The following CCDC15 variants were observed in gnomAD, a reference collection of about 807,000 sequenced individuals.
CCDC15 encodes coiled-coil domain-containing protein 15.
Under a neutral mutation model 114.5 loss-of-function variants are expected in CCDC15, and 105 were observed. The observed-to-expected ratio is 0.92, with a 90% CI of 0.78 to 1.08. CCDC15 has a LOEUF of 1.08. Ranked by LOEUF, CCDC15 falls within the 50% of genes least tolerant of loss-of-function variation. The pLI, the probability that CCDC15 is intolerant of heterozygous loss-of-function variation, is 0.00. For missense variants in CCDC15, 1,105 were observed against 1,093.6 expected (o/e 1.01, Z -0.15); for synonymous variants, 334 against 377.8 (o/e 0.88, Z 1.34).
intron 8 of CCDC15, among the ~76,000 whole-genome samples, chr11:124,990,719 T>C (rs1253288542): frequency 6.6e-6 from 1 of 152,254 alleles, no homozygotes; most frequent in Non-Finnish European, 1.5e-5. Context: ...ACCCAGATTT[T>C]GTGAACAATT....
At chr11:124,973,980 AATTT>A (rs1017033903) in intron 4 of CCDC15, among the ~76,000 whole-genome samples, 10 of 151,562 alleles carry the variant, frequency 6.6e-5, no homozygotes, top group Non-Finnish European at 1.3e-4. Context: ...TTTTAATTTT[AATTT>A]ATTTATTTTT....
intron 4 of CCDC15, among the ~76,000 whole-genome samples, chr11:124,971,756 A>C (rs1458047111): frequency 6.6e-6 from 1 of 152,114 alleles, no homozygotes; most frequent in African/African-American, 2.4e-5. Flanking sequence ...ACATTTCCTC[A>C]TCTTCCTCAG....
chr11:124,976,472 C>T (rs956824855), intron 5 of CCDC15, among the ~76,000 whole-genome samples: 3 of 151,986 alleles, frequency 2.0e-5, no homozygotes, highest in Non-Finnish European at 4.4e-5. Context: ...CCTTGTGGCT[C>T]CTCAGAGTTT....
chr11:124,979,277 C>CT (rs1948026155), intron 6 of CCDC15, among the ~76,000 whole-genome samples: 1 of 151,818 alleles, frequency 6.6e-6, no homozygotes, highest in Non-Finnish European at 1.5e-5. Flanking sequence ...TATTCAGGCT[C>CT]TTTTTTGTTT....
chr11:124,994,069 G>A (rs1007008874), intron 11 of CCDC15, among the ~76,000 whole-genome samples: 11 of 152,096 alleles, frequency 7.2e-5, no homozygotes, highest in African/African-American at 1.2e-4. Flanking sequence ...ATTACTTCAG[G>A]GCTATCACTG....
At chr11:124,977,870 CTT>C (rs752641095) in intron 6 of CCDC15, among the ~76,000 whole-genome samples, 3 of 151,886 alleles carry the variant, frequency 2.0e-5, no homozygotes, top group Non-Finnish European at 4.4e-5. Context: ...TTTAAAATAA[CTT>C]TTATTTTAGG....
At chr11:125,006,775 C>T (rs1948555298) in intron 13 of CCDC15, among the ~76,000 whole-genome samples, 1 of 151,858 alleles carries the variant, frequency 6.6e-6, no homozygotes, top group Non-Finnish European at 1.5e-5. Context: ...GTTGAAAAGA[C>T]CATCTTTTAT....
intron 6 of CCDC15, among the ~76,000 whole-genome samples, chr11:124,985,281 T>C (rs952239873): frequency 6.6e-6 from 1 of 152,248 alleles, no homozygotes; most frequent in African/African-American, 2.4e-5. Flanking sequence ...TTTCACTTCT[T>C]GGTGTTTATG....
intron 13 of CCDC15, among the ~76,000 whole-genome samples, chr11:125,016,956 A>G (rs1948633002): frequency 6.6e-6 from 1 of 152,168 alleles, no homozygotes; most frequent in Non-Finnish European, 1.5e-5. Context: ...TGCTTTACAG[A>G]TGGTATCAGA....
intron 13 of CCDC15, among the ~76,000 whole-genome samples, chr11:125,022,502 G>A (rs1663314798): frequency 6.6e-6 from 1 of 151,950 alleles, no homozygotes; most frequent in East Asian, 1.9e-4. Flanking sequence ...CACTTTGCTA[G>A]AGATGGCCAG....
intron 6 of CCDC15, among the ~76,000 whole-genome samples, chr11:124,982,764 T>C (rs1948091976): frequency 6.6e-6 from 1 of 152,136 alleles, no homozygotes. Context: ...AACTGTGTGG[T>C]TGGGGGATGG....
intron 4 of CCDC15, among the ~76,000 whole-genome samples, chr11:124,967,225 G>A (rs1188101273): frequency 6.6e-6 from 1 of 152,158 alleles, no homozygotes; most frequent in African/African-American, 2.4e-5. Flanking sequence ...ATATCTTGAC[G>A]ACTGTTTTCC....
intron 13 of CCDC15, among the ~76,000 whole-genome samples, chr11:125,033,067 A>G (rs1948751919): frequency 6.6e-6 from 1 of 152,206 alleles, no homozygotes; most frequent in Non-Finnish European, 1.5e-5. Context: ...GTCCTTCCTC[A>G]AGGGGAGCAG....
At chr11:125,011,496 A>T (rs1043614197) in intron 13 of CCDC15, among the ~76,000 whole-genome samples, 4 of 152,032 alleles carry the variant, frequency 2.6e-5, no homozygotes, top group African/African-American at 9.7e-5. Context: ...TCAGCCTCCC[A>T]ATGTGCTGGG....
At chr11:125,014,377 A>T (rs865904929) in intron 13 of CCDC15, among the ~76,000 whole-genome samples, 1 of 152,198 alleles carries the variant, frequency 6.6e-6, no homozygotes, top group East Asian at 1.9e-4. Context: ...AAAGTTTCTA[A>T]GTACATACTT....
At chr11:125,003,461 A>C (rs562124292) in intron 11 of CCDC15, among the ~76,000 whole-genome samples, 360 of 152,070 alleles carry the variant, frequency 2.4e-3, no homozygotes, top group Non-Finnish European at 2.7e-3. Context: ...CTCTGGACTC[A>C]TGCCTACTAA....
intron 4 of CCDC15, among the ~76,000 whole-genome samples, chr11:124,965,384 G>T (rs995370664): frequency 4.6e-5 from 7 of 151,964 alleles, no homozygotes; most frequent in African/African-American, 4.8e-5. Flanking sequence ...GTGTATGTGT[G>T]GAGGAATTTA....
intron 2 of CCDC15, 24 bp from the exon 3 acceptor site, chr11:124,959,090 CA>C (rs1353018028): frequency 6.7e-7 from 1 of 1,503,422 alleles, no homozygotes; most frequent in Non-Finnish European, 8.9e-7. Flanking sequence ...CATTTAAGTT[CA>C]TTTTCTGTCT....
At chr11:125,023,765 T>C (rs1185791146) in intron 13 of CCDC15, among the ~76,000 whole-genome samples, 2 of 151,926 alleles carry the variant, frequency 1.3e-5, no homozygotes, top group Non-Finnish European at 2.9e-5. Context: ...AATGGAAACA[T>C]AACGTGTGGC....
Sources: allele counts gnomAD v4.1 joint callset (sites outside exome capture counted in the v4.1 genomes callset), GRCh38; gene constraint gnomAD v4.1.1; transcripts MANE v1.5; gene names NCBI Gene and HGNC (gene_info 2026-07-23, HGNC 2026-07-21).